IGF1R: variants seen among roughly 807,000 people sequenced by gnomAD.
IGF1R encodes the protein insulin like growth factor 1 receptor, also known as insulin-like growth factor 1 receptor.
Under a neutral mutation model 144.6 loss-of-function variants are expected in IGF1R, and 44 were observed. The observed-to-expected ratio is 0.30, with a 90% confidence interval of 0.24 to 0.39. The LOEUF (loss-of-function observed/expected upper bound fraction) is 0.39. Among genes scored for constraint, IGF1R ranks in the 10% least tolerant of loss-of-function variants. The pLI is 1.00. For missense variants in IGF1R, 1,355 were observed against 1,833.7 expected (o/e 0.74, Z 4.77); for synonymous variants, 795 against 722.8 (o/e 1.10, Z -1.60).
intron 9 of IGF1R, chr15:98,916,436 A>G: frequency 1.8e-6 from 1 of 568,518 alleles, no homozygotes; most frequent in Non-Finnish European, 3.1e-6. Flanking sequence ...TAATTTTTGT[A>G]TTTTTAGTAG....
rs1157680408 is a variant in IGF1R, at chr15:98,649,259, C to G, written c.-323C>G. ...CCCCCTTTCTTTGCAGTTTTCCCCC[C>G]TTCCTGCCTCTCCGGGTTTGAAAAT... is the stretch of plus-strand genomic sequence containing the variant. On this transcript the variant is annotated 5_prime_UTR_variant, in exon 1 of 21. Transcript: ENST00000650285. 4.6e-6 allele frequency: 1 copy of G among 216,090 alleles called. No individual in the cohort carries two copies. Among genetic ancestry groups the G allele is most frequent in the African/African-American group, 2.3e-5 (1 of 44,170 alleles). The allele number at this position is 216,090 out of a possible 1,614,324, so 13.4% of individuals were successfully genotyped here. A position where few individuals can be genotyped will look rare whatever the true frequency, so the allele number is the denominator to read the frequency against.
intron 2 of IGF1R, among the ~76,000 whole-genome samples, chr15:98,751,465 T>C (rs1417912174): frequency 1.3e-5 from 2 of 152,078 alleles, no homozygotes; most frequent in African/African-American, 2.4e-5. Context: ...TCCCCTCAAC[T>C]CTCAAAAGGC....
In IGF1R at chr15:98,930,232, C is replaced by G. The variant is rs1363672769; in HGVS notation, c.2886-3C>G. 6.2e-7 allele frequency: 1 copy of G among 1,610,846 alleles called. No homozygotes were observed. Among genetic ancestry groups the G allele is most frequent in the Non-Finnish European group, 8.5e-7 (1 of 1,177,448 alleles). On this transcript the variant is annotated splice_polypyrimidine_tract_variant and splice_region_variant and intron_variant, in intron 14 of 20. Transcript: ENST00000650285. ...GTTAACGTGAATTTAATCTTTTTGA[C>G]AGAAATAACAGCAGGCTGGGGAATG...
chr15:98,737,404 T>C (rs923118916), intron 2 of IGF1R, among the ~76,000 whole-genome samples: 8 of 152,130 alleles, frequency 5.3e-5, no homozygotes, highest in Non-Finnish European at 1.2e-4. Context: ...TTGCGTTTGT[T>C]CTGCCAAGAA....
chr15:98,663,006 G>C (rs1414406411), intron 1 of IGF1R, among the ~76,000 whole-genome samples: 1 of 152,198 alleles, frequency 6.6e-6, no homozygotes, highest in Non-Finnish European at 1.5e-5. Context: ...ATGGAGTCAG[G>C]ATTGGGGGAC....
chr15:98,960,769 G>A lies in IGF1R; in HGVS notation c.*3327G>A, dbSNP rs886051593. ...ACAGCCAGTCCCTGATAGAACACAC[G>A]CAGGAGCAGAGTCCCCTCCCCCTCC... On this transcript the variant is annotated 3_prime_UTR_variant, in exon 21 of 21. Coordinates refer to ENST00000650285, the MANE Select transcript of IGF1R (RefSeq NM_000875.5). 3.0e-5 allele frequency: 7 copies of A among 233,660 alleles called. No homozygotes were observed. The highest frequency in any genetic ancestry group is 2.5e-3 in the Middle Eastern group (2 of 788). 14.5% of individuals were successfully genotyped at this position (233,660 alleles called of 1,614,324 possible).
At chr15:98,863,646 A>G (rs1043204090) in intron 2 of IGF1R, among the ~76,000 whole-genome samples, 2 of 152,254 alleles carry the variant, frequency 1.3e-5, no homozygotes, top group Non-Finnish European at 2.9e-5. Context: ...AAAAATATGC[A>G]GAAGCTTAAG....
At chr15:98,725,393 T>TC (rs973602497) in intron 2 of IGF1R, among the ~76,000 whole-genome samples, 13 of 152,208 alleles carry the variant, frequency 8.5e-5, no homozygotes, top group African/African-American at 2.9e-4. Flanking sequence ...ATCTTTTTTT[T>TC]CCCCTAATCT....
intron 2 of IGF1R, among the ~76,000 whole-genome samples, chr15:98,769,991 G>T (rs764832921): frequency 6.6e-6 from 1 of 151,978 alleles, no homozygotes; most frequent in African/African-American, 2.4e-5. Flanking sequence ...TGTGGTCTTC[G>T]GTTGCTTCCT....
intron 13 of IGF1R, among the ~76,000 whole-genome samples, chr15:98,928,514 G>C (rs1178079242): frequency 6.6e-6 from 1 of 152,218 alleles, no homozygotes; most frequent in Non-Finnish European, 1.5e-5. Context: ...GGGTGAAACT[G>C]CTTAGCTTGG....
chr15:98,929,198 G>C lies in IGF1R; in HGVS notation c.2783-360G>C, dbSNP rs548421048. Among the ~76,000 whole-genome samples the C allele has an allele frequency of 1.7e-4, 26 of 152,096 alleles. No homozygotes were observed. The South Asian group carries it at 5.4e-3, about 32-fold the overall frequency. On this transcript the variant is annotated intron_variant, in intron 13 of 20. Coordinates refer to ENST00000650285, the MANE Select transcript of IGF1R (RefSeq NM_000875.5). ...TACCGGGGACATGGACCAAACCCTG[G>C]AACATTCTGTGGAATGTGGGAAATT...
In IGF1R at chr15:98,890,904, G is replaced by T. The variant is rs1361339343; in HGVS notation, c.641-421G>T. On this transcript the variant is annotated intron_variant, in intron 2 of 20. Transcript: ENST00000650285. ...AGAGTTTTCAGTAAGGAACATATTT[G>T]AAATGGAAAGTGAGCAGAGCACAAT... 4.0e-5 allele frequency: 11 copies of T among 273,960 alleles called. No homozygotes were observed. In the East Asian group the frequency reaches 8.2e-4, roughly 21 times the overall value. The allele number at this position is 273,960 out of a possible 1,614,324, so 17.0% of individuals were successfully genotyped here.
chr15:98,705,172 A>G (rs1045415854), intron 1 of IGF1R, among the ~76,000 whole-genome samples: 13 of 152,198 alleles, frequency 8.5e-5, no homozygotes, highest in Admixed American at 7.9e-4. Context: ...GAGGATAGCA[A>G]CCAACATTTA....
chr15:98,820,359 A>G (rs1223550508), intron 2 of IGF1R, among the ~76,000 whole-genome samples: 1 of 152,214 alleles, frequency 6.6e-6, no homozygotes, highest in Non-Finnish European at 1.5e-5. Flanking sequence ...TTTTTAAGCA[A>G]TACAATTTAA....
At chr15:98,823,984 C>T (rs2056846894) in intron 2 of IGF1R, among the ~76,000 whole-genome samples, 1 of 152,174 alleles carries the variant, frequency 6.6e-6, no homozygotes, top group African/African-American at 2.4e-5. Context: ...TTCTTATACT[C>T]AGTCATTTGT....
At chr15:98,768,211 T>G (rs1485096170) in intron 2 of IGF1R, among the ~76,000 whole-genome samples, 1 of 152,186 alleles carries the variant, frequency 6.6e-6, no homozygotes, top group Non-Finnish European at 1.5e-5. Flanking sequence ...GCACCGAGAT[T>G]TTTTTTGTAT....
intron 1 of IGF1R, among the ~76,000 whole-genome samples, chr15:98,662,924 C>T (rs13329408): frequency 0.17 from 25,643 of 151,866 alleles, 2,323 homozygotes; most frequent in Middle Eastern, 0.24. Flanking sequence ...GAATGAGGAG[C>T]GCTGAAACCT....
intron 2 of IGF1R, among the ~76,000 whole-genome samples, chr15:98,832,886 C>T (rs779514279): frequency 3.3e-4 from 51 of 152,274 alleles, no homozygotes; most frequent in African/African-American, 1.0e-3. Context: ...GTAAATAGTA[C>T]GTTACCAGCT....
intron 1 of IGF1R, among the ~76,000 whole-genome samples, chr15:98,663,959 G>A (rs1005374816): frequency 2.6e-5 from 4 of 152,210 alleles, no homozygotes; most frequent in African/African-American, 7.2e-5. Flanking sequence ...TTGATGAGAA[G>A]CAATTGCCCA....
Sources: allele counts gnomAD v4.1 joint callset (sites outside exome capture counted in the v4.1 genomes callset), GRCh38; gene constraint gnomAD v4.1.1; transcripts MANE v1.5; gene names NCBI Gene and HGNC (gene_info 2026-07-23, HGNC 2026-07-21).